Variants in CHIC1 observed in about 807,000 individuals in gnomAD.
The protein encoded by CHIC1 is cysteine rich hydrophobic domain 1, also known as cysteine-rich hydrophobic domain-containing protein 1.
Under a neutral mutation model 18.5 loss-of-function variants are expected in CHIC1, and 7 were observed. That is an observed-to-expected ratio of 0.38 (90% CI 0.22 to 0.71). The LOEUF (loss-of-function observed/expected upper bound fraction) is 0.71, where lower values mean the gene tolerates loss of function less well. CHIC1 is among the 30% of genes least tolerant of loss of function. The pLI is 0.49. For synonymous variants in CHIC1, 77 were observed against 73.5 expected (o/e 1.05, Z -0.25); for missense variants, 159 against 176.9 (o/e 0.90, Z 0.57).
intron 1 of CHIC1, among the ~76,000 whole-genome samples, chrX:73,570,385 T>G (rs1823467345): frequency 9.0e-6 from 1 of 110,841 alleles, no homozygotes; most frequent in Admixed American, 9.6e-5. Context: ...AAGGGAACAT[T>G]ATGAGAATGA....
intron 1 of CHIC1, among the ~76,000 whole-genome samples, chrX:73,566,091 T>A (rs1316293779): frequency 9.0e-6 from 1 of 110,526 alleles, no homozygotes; most frequent in Non-Finnish European, 1.9e-5. Context: ...GACTCTTCCT[T>A]CTCCTTGAAT....
Position 73,563,378 on chromosome X carries a change from C to CCGTCGTCGT in CHIC1, c.103_111dup (p.Ser35_Ser37dup), listed in dbSNP as rs760149927. On this transcript the variant is annotated inframe_insertion, in exon 1 of 6. Transcript: ENST00000373502. ...AGAAGCGGCAACGTCGTCGTCGTCG[C>CCGTCGTCGT]CGTCGTCGTCGTCGTCGGTATCTGG... 2 of 1,150,410 alleles carry CCGTCGTCGT rather than the reference C, an allele frequency of 1.7e-6. No homozygotes were observed. The highest frequency in any genetic ancestry group is 3.7e-5 in the African/African-American group (2 of 53,909). 94.8% of individuals were successfully genotyped at this position (1,150,410 alleles called of 1,213,427 possible). A position where few individuals can be genotyped will look rare whatever the true frequency, so the allele number is the denominator to read the frequency against.
At position 73,687,110 on chromosome X, in the gene CHIC1, A is replaced by G. The variant is rs2058126159; in HGVS notation, c.*6105A>G. 1 of 111,645 alleles carries G rather than the reference A, an allele frequency of 9.0e-6. No individual in the cohort carries two copies. Among genetic ancestry groups the G allele is most frequent in the Non-Finnish European group, 1.9e-5 (1 of 52,957 alleles). 9.2% of individuals were successfully genotyped at this position (111,645 alleles called of 1,213,427 possible). ...AGTGTAAATCTATGTTAATGAATTG[A>G]ATTCTGTGTTTTTTTTATGCATCTT... On this transcript the variant is annotated 3_prime_UTR_variant, in exon 6 of 6. Coordinates refer to ENST00000373502, the MANE Select transcript of CHIC1 (RefSeq NM_001039840.4).
chrX:73,583,062 TGA>T (rs762536176), intron 2 of CHIC1, among the ~76,000 whole-genome samples: 1 of 111,502 alleles, frequency 9.0e-6, no homozygotes, highest in East Asian at 2.8e-4. Flanking sequence ...ATCATGTTGC[TGA>T]CAGTCTAGAT....
chrX:73,647,542 T>C (rs1376031950), intron 3 of CHIC1, among the ~76,000 whole-genome samples: 1 of 112,402 alleles, frequency 8.9e-6, no homozygotes, highest in Non-Finnish European at 1.9e-5. Context: ...GGAGGCTGGA[T>C]GACTTGGTCC....
chrX:73,676,597 A>T (rs1460428681), intron 3 of CHIC1, among the ~76,000 whole-genome samples: 2 of 109,827 alleles, frequency 1.8e-5, no homozygotes, highest in South Asian at 8.0e-4. Context: ...TCCTTTAAGG[A>T]CTTCTCTGCA....
chrX:73,657,070 T>TA (rs1475275537), intron 3 of CHIC1, among the ~76,000 whole-genome samples: 1 of 105,514 alleles, frequency 9.5e-6, no homozygotes, highest in African/African-American at 3.4e-5. Context: ...AATTTTTTTT[T>TA]TTTTTTTGAG....
At chrX:73,671,450 GCTTT>G (rs2058029934) in intron 3 of CHIC1, among the ~76,000 whole-genome samples, 1 of 111,623 alleles carries the variant, frequency 9.0e-6, no homozygotes. Context: ...TGTCACAAAG[GCTTT>G]CTTTATTCTT....
intron 3 of CHIC1, among the ~76,000 whole-genome samples, chrX:73,598,343 T>G (rs1244928586): frequency 9.1e-6 from 1 of 109,508 alleles, no homozygotes; most frequent in African/African-American, 3.3e-5. Context: ...TTTTTTTTAT[T>G]ATTATACTTT....
chrX:73,680,810 A>AT (rs997815890), intron 5 of CHIC1, 145 bp from the exon 6 acceptor site: 6 of 325,107 alleles, frequency 1.8e-5, no homozygotes, highest in East Asian at 5.0e-5. Flanking sequence ...TTCTTTACAT[A>AT]TTTTTTTCAT....
intron 3 of CHIC1, among the ~76,000 whole-genome samples, chrX:73,647,223 G>A (rs913209913): frequency 8.9e-6 from 1 of 112,043 alleles, no homozygotes; most frequent in Non-Finnish European, 1.9e-5. Context: ...CCAGGGACTA[G>A]GGTTCTAACA....
In CHIC1 at chrX:73,666,615, T is replaced by C. The variant is rs142234426; in HGVS notation, c.508-12711T>C. On this transcript the variant is annotated intron_variant, in intron 3 of 5. Transcript: ENST00000373502. ...ACAGTCACACCCAGGATCAATACTTTGTATCCTTCAGTCCAACGAAGTTGA... is the reference window on the plus strand; with the variant it reads ...ACAGTCACACCCAGGATCAATACTTCGTATCCTTCAGTCCAACGAAGTTGA... Among the ~76,000 whole-genome samples the C allele has an allele frequency of 2.4e-3, 273 of 112,335 alleles. 3 individuals are homozygous for C. In the East Asian group the frequency reaches 0.032, roughly 13 times the overall value.
intron 3 of CHIC1, among the ~76,000 whole-genome samples, chrX:73,593,864 A>T (rs958688547): frequency 9.0e-6 from 1 of 110,896 alleles, no homozygotes; most frequent in Non-Finnish European, 1.9e-5. Flanking sequence ...AATCTCTTTG[A>T]ATTTCTTTGC....
At chrX:73,625,624 T>A (rs2057780002) in intron 3 of CHIC1, among the ~76,000 whole-genome samples, 1 of 111,653 alleles carries the variant, frequency 9.0e-6, no homozygotes, top group South Asian at 3.8e-4. Flanking sequence ...GTCACAGCCA[T>A]CAGCAGAGTG....
intron 3 of CHIC1, among the ~76,000 whole-genome samples, chrX:73,619,281 T>C (rs1396995641): frequency 2.7e-5 from 3 of 111,235 alleles, no homozygotes; most frequent in Non-Finnish European, 5.7e-5. Context: ...TACACACTGC[T>C]CTGTCCTTCT....
chrX:73,569,316 G>A (rs1050785788), intron 1 of CHIC1, among the ~76,000 whole-genome samples: 1 of 111,489 alleles, frequency 9.0e-6, no homozygotes, highest in African/African-American at 3.3e-5. Context: ...GAGGTATAGG[G>A]AGGGAGACAA....
intron 3 of CHIC1, among the ~76,000 whole-genome samples, chrX:73,614,883 T>A (rs2057725273): frequency 9.0e-6 from 1 of 110,897 alleles, no homozygotes. Flanking sequence ...TCTTTCTGAT[T>A]GGAGCCTGTT....
At chrX:73,624,409 A>AT (rs1426805939) in intron 3 of CHIC1, among the ~76,000 whole-genome samples, 2 of 111,388 alleles carry the variant, frequency 1.8e-5, no homozygotes, top group African/African-American at 6.5e-5. Context: ...TTAAAGAAAA[A>AT]TTTTTTTAAT....
intron 1 of CHIC1, among the ~76,000 whole-genome samples, chrX:73,566,945 G>A (rs985912811): frequency 6.3e-5 from 7 of 111,845 alleles, no homozygotes; most frequent in Non-Finnish European, 1.9e-5. Flanking sequence ...AAAGTTATAC[G>A]TCTCAATTAA....
Sources: allele counts gnomAD v4.1 joint callset (sites outside exome capture counted in the v4.1 genomes callset), GRCh38; gene constraint gnomAD v4.1.1; transcripts MANE v1.5; gene names NCBI Gene and HGNC (gene_info 2026-07-23, HGNC 2026-07-21).